EPHA6: variants seen among roughly 807,000 people sequenced by gnomAD.
The protein encoded by EPHA6 is EPH receptor A6, also known as ephrin type-A receptor 6.
Under a neutral mutation model 112.0 loss-of-function variants are expected in EPHA6, and 50 were observed. The observed-to-expected ratio is 0.45, with a 90% CI of 0.36 to 0.56. The LOEUF (loss-of-function observed/expected upper bound fraction) is 0.56. Ranked by LOEUF, EPHA6 falls within the 20% of genes least tolerant of loss-of-function variation. The pLI is 0.00. For missense variants in EPHA6, 1,280 were observed against 1,417.4 expected (o/e 0.90, Z 1.56); for synonymous variants, 529 against 490.7 (o/e 1.08, Z -1.03).
intron 14 of EPHA6, among the ~76,000 whole-genome samples, chr3:97,646,829 AT>A (rs2094068418): frequency 6.6e-6 from 1 of 152,174 alleles, no homozygotes; most frequent in Non-Finnish European, 1.5e-5. Context: ...GAAGTCTTGG[AT>A]CCATTGTGTG....
intron 10 of EPHA6, among the ~76,000 whole-genome samples, chr3:97,496,565 A>C (rs2091982472): frequency 6.6e-6 from 1 of 152,172 alleles, no homozygotes; most frequent in Admixed American, 6.6e-5. Context: ...TATATTTATG[A>C]AGCCATACTT....
chr3:97,031,282 T>C (rs953052426), intron 3 of EPHA6, among the ~76,000 whole-genome samples: 1 of 152,120 alleles, frequency 6.6e-6, no homozygotes, highest in Non-Finnish European at 1.5e-5. Flanking sequence ...TTACACCGTA[T>C]ACAAAAATTA....
chr3:97,277,126 G>A (rs1346268900), intron 5 of EPHA6, among the ~76,000 whole-genome samples: 2 of 152,148 alleles, frequency 1.3e-5, no homozygotes, highest in Non-Finnish European at 2.9e-5. Flanking sequence ...GGGGACAGGC[G>A]AGACGGAAAG....
chr3:97,248,597 A>G (rs1032769199), intron 5 of EPHA6, among the ~76,000 whole-genome samples: 3 of 152,228 alleles, frequency 2.0e-5, no homozygotes, highest in Admixed American at 2.0e-4. Context: ...TCTTTAAAGC[A>G]ATTCTTGTCA....
chr3:97,693,085 G>C (rs770165299), intron 14 of EPHA6, among the ~76,000 whole-genome samples: 1 of 152,214 alleles, frequency 6.6e-6, no homozygotes, highest in Non-Finnish European at 1.5e-5. Context: ...TAATAATAAA[G>C]AAAGTAAATG....
chr3:96,958,256 C>T (rs996246147), intron 2 of EPHA6, among the ~76,000 whole-genome samples: 10 of 151,146 alleles, frequency 6.6e-5, no homozygotes, highest in African/African-American at 1.9e-4. Flanking sequence ...CGCCATTGCA[C>T]TCCAGCCTGG....
intron 11 of EPHA6, among the ~76,000 whole-genome samples, chr3:97,546,217 C>T (rs1472062521): frequency 3.3e-5 from 5 of 152,118 alleles, no homozygotes; most frequent in Non-Finnish European, 4.4e-5. Flanking sequence ...TGTTCCTTTC[C>T]ATGTTTAGTG....
intron 3 of EPHA6, among the ~76,000 whole-genome samples, chr3:97,077,480 G>T (rs891362775): frequency 6.6e-6 from 1 of 152,016 alleles, no homozygotes; most frequent in Non-Finnish European, 1.5e-5. Flanking sequence ...ATGCTGGCCC[G>T]CTGTACCCAT....
chr3:97,436,631 A>G (rs1408735291), intron 6 of EPHA6, among the ~76,000 whole-genome samples: 4 of 152,156 alleles, frequency 2.6e-5, no homozygotes, highest in Non-Finnish European at 5.9e-5. Flanking sequence ...CACAAATGAT[A>G]CTGTTTTTCA....
In EPHA6 at chr3:97,516,625, C is replaced by T. The variant is rs181487909; in HGVS notation, c.2201-15733C>T. Among the ~76,000 whole-genome samples the T allele has an allele frequency of 3.0e-3, 457 of 152,196 alleles. 4 individuals carry two copies. The highest frequency in any genetic ancestry group is 0.011 in the African/African-American group (445 of 41,518). ...AGACTTCAAGAGACGAATACACATC[C>T]GTCTAGAACTGAATTAAAAATCTAA... On this transcript the variant is annotated intron_variant, in intron 10 of 17. Transcript: ENST00000389672.
At chr3:97,120,420 G>C (rs1231773832) in intron 3 of EPHA6, among the ~76,000 whole-genome samples, 1 of 151,424 alleles carries the variant, frequency 6.6e-6, no homozygotes, top group East Asian at 1.9e-4. Context: ...ATTGTACTTA[G>C]AGTAACCCAC....
chr3:97,127,098 C>T (rs2048203280), intron 3 of EPHA6, among the ~76,000 whole-genome samples: 1 of 151,956 alleles, frequency 6.6e-6, no homozygotes, highest in Non-Finnish European at 1.5e-5. Context: ...ATAAGTTTTA[C>T]ATGACACAAA....
intron 10 of EPHA6, among the ~76,000 whole-genome samples, chr3:97,531,675 A>G (rs920050950): frequency 1.2e-4 from 18 of 152,096 alleles, no homozygotes; most frequent in Admixed American, 9.2e-4. Context: ...CAAGTCTTAT[A>G]CTTCTTTGAA....
intron 3 of EPHA6, among the ~76,000 whole-genome samples, chr3:97,183,054 C>T (rs1024530616): frequency 1.3e-5 from 2 of 151,656 alleles, no homozygotes; most frequent in South Asian, 4.2e-4. Flanking sequence ...TTTGAAAATG[C>T]TTTTTATTTT....
intron 11 of EPHA6, 55 bp from the exon 12 acceptor site, chr3:97,592,557 C>A: frequency 6.3e-7 from 1 of 1,595,566 alleles, no homozygotes; most frequent in South Asian, 1.1e-5. Flanking sequence ...TGTAAATGAT[C>A]AATGCTTTTC....
chr3:97,131,309 T>C (rs2075610736), intron 3 of EPHA6, among the ~76,000 whole-genome samples: 1 of 152,036 alleles, frequency 6.6e-6, no homozygotes, highest in Admixed American at 6.6e-5. Flanking sequence ...TGATAGAAGA[T>C]AGAGAGATAG....
intron 10 of EPHA6, among the ~76,000 whole-genome samples, chr3:97,506,166 T>C (rs2092247432): frequency 6.6e-6 from 1 of 152,220 alleles, no homozygotes; most frequent in African/African-American, 2.4e-5. Context: ...TTCTTTGCTG[T>C]GCACACACTC....
intron 2 of EPHA6, among the ~76,000 whole-genome samples, chr3:96,963,048 G>C (rs2042001429): frequency 6.6e-6 from 1 of 151,868 alleles, no homozygotes; most frequent in South Asian, 2.1e-4. Context: ...CAGCTACTTG[G>C]GAGACTGAGA....
At chr3:96,816,337 T>C (rs2032779241) in intron 1 of EPHA6, among the ~76,000 whole-genome samples, 1 of 152,164 alleles carries the variant, frequency 6.6e-6, no homozygotes. Flanking sequence ...GCTTTGAAGA[T>C]AGATCACATA....
Sources: gnomAD v4.1 joint callset for allele counts (sites outside exome capture counted in the v4.1 genomes callset) on GRCh38, gnomAD v4.1.1 for gene constraint, MANE v1.5 for transcripts, NCBI Gene and HGNC (gene_info 2026-07-23, HGNC 2026-07-21) for gene names.